Variants in KLF12 observed in about 807,000 individuals in gnomAD.
KLF12 encodes the protein Krueppel-like factor 12.
KLF12 carries 9 observed loss-of-function variants against 37.8 expected under a neutral mutation model. The ratio of observed to expected loss-of-function variants is 0.24; its 90% CI spans 0.14 to 0.42. The LOEUF is 0.42. Ranked by LOEUF, KLF12 falls within the 10% of genes least tolerant of loss-of-function variation. The pLI, the probability that KLF12 is intolerant of heterozygous loss-of-function variation, is 1.00. For missense variants in KLF12, 411 were observed against 516.0 expected (o/e 0.80, Z 1.97); for synonymous variants, 208 against 202.1 (o/e 1.03, Z -0.25).
chr13:74,158,327 C>T, the KLF12 span, among the ~76,000 whole-genome samples: 1 of 152,138 alleles, frequency 6.6e-6, no homozygotes, highest in African/African-American at 2.4e-5. Flanking sequence ...TGGAGGAGAG[C>T]TGGGAGTTGC....
chr13:74,119,257 G>T (rs923892069), intron 1 of KLF12, among the ~76,000 whole-genome samples: 1 of 151,830 alleles, frequency 6.6e-6, no homozygotes, highest in Non-Finnish European at 1.5e-5. Flanking sequence ...ACTTGAACTT[G>T]GGAGGCGGAG....
At chr13:74,125,037 C>G (rs1011612333) in intron 1 of KLF12, among the ~76,000 whole-genome samples, 1 of 151,494 alleles carries the variant, frequency 6.6e-6, no homozygotes, top group African/African-American at 2.4e-5. Flanking sequence ...CCCACCTACT[C>G]GGAAGGCTGA....
At chr13:74,076,734 T>TCATCACCCAGGTATTAAGCC (rs1874586198) in intron 1 of KLF12, among the ~76,000 whole-genome samples, 5 of 152,182 alleles carry the variant, frequency 3.3e-5, no homozygotes, top group African/African-American at 1.2e-4. Flanking sequence ...ACAGATTATT[T>TCATCACCCAGGTATTAAGCC]CATCACCCAG....
chr13:73,968,986 T>C (rs902491406), intron 2 of KLF12, among the ~76,000 whole-genome samples: 4 of 151,108 alleles, frequency 2.6e-5, no homozygotes, highest in Admixed American at 6.6e-5. Context: ...AGAAAGTTTA[T>C]ATTGCCTCCT....
At chr13:74,033,471 G>T (rs1746355201) in intron 1 of KLF12, among the ~76,000 whole-genome samples, 2 of 152,252 alleles carry the variant, frequency 1.3e-5, no homozygotes, top group South Asian at 4.1e-4. Context: ...ATAATTAAAT[G>T]AGATAATCAA....
chr13:74,167,941 G>T, the KLF12 span, among the ~76,000 whole-genome samples: 11 of 152,314 alleles, frequency 7.2e-5, no homozygotes, highest in African/African-American at 2.6e-4. Flanking sequence ...AAATTAAAGT[G>T]GAAGAATGTT....
chr13:74,186,472 A>G, the KLF12 span, among the ~76,000 whole-genome samples: 4 of 152,238 alleles, frequency 2.6e-5, no homozygotes, highest in African/African-American at 9.6e-5. Context: ...AACTTTGGAC[A>G]GGTTGGGTAC....
Position 73,692,455 on chromosome 13 carries a change from G to A in KLF12, c.*3035C>T, listed in dbSNP as rs1873874757. On this transcript the variant is annotated 3_prime_UTR_variant, in exon 8 of 8. Transcript: ENST00000377669. The stretch of plus-strand genomic sequence containing the variant: ...GTTCCCAACCATGCACATATCCCCA[G>A]CTGCAAACTGAACAGCTTCAAATTT... 1 of 152,582 alleles carries A rather than the reference G, an allele frequency of 6.6e-6. No individual in the cohort carries two copies. Among genetic ancestry groups the A allele is most frequent in the Admixed American group, 6.5e-5 (1 of 15,280 alleles). 9.5% of individuals were successfully genotyped at this position (152,582 alleles called of 1,614,324 possible). A position where few individuals can be genotyped will look rare whatever the true frequency, so the allele number is the denominator to read the frequency against.
At chr13:73,832,222 C>T (rs1196135555) in intron 4 of KLF12, among the ~76,000 whole-genome samples, 1 of 152,148 alleles carries the variant, frequency 6.6e-6, no homozygotes, top group African/African-American at 2.4e-5. Flanking sequence ...CCTCCATTCT[C>T]TACTCTCATT....
chr13:74,139,101 C>T, the KLF12 span, among the ~76,000 whole-genome samples: 1 of 152,128 alleles, frequency 6.6e-6, no homozygotes, highest in East Asian at 1.9e-4. Flanking sequence ...ATTTTTCCAC[C>T]TACTTAAATA....
At chr13:73,977,672 TGAA>T (rs1447586934) in intron 2 of KLF12, among the ~76,000 whole-genome samples, 1 of 152,182 alleles carries the variant, frequency 6.6e-6, no homozygotes, top group Non-Finnish European at 1.5e-5. Flanking sequence ...AATATAATAT[TGAA>T]GAAGAACAAT....
chr13:74,046,063 T>C (rs2138568872), intron 1 of KLF12, among the ~76,000 whole-genome samples: 1 of 152,344 alleles, frequency 6.6e-6, no homozygotes, highest in East Asian at 1.9e-4. Context: ...CTTGTTCCTA[T>C]CAATCAGTCT....
chr13:73,780,746 G>T (rs922862494), intron 5 of KLF12, among the ~76,000 whole-genome samples: 2 of 152,228 alleles, frequency 1.3e-5, no homozygotes, highest in African/African-American at 4.8e-5. Context: ...ACAGGCGTGA[G>T]CCACCGCGCC....
intron 3 of KLF12, among the ~76,000 whole-genome samples, chr13:73,911,639 A>G (rs1049148892): frequency 5.9e-5 from 9 of 152,202 alleles, no homozygotes; most frequent in African/African-American, 2.2e-4. Context: ...TGAACTTGAG[A>G]GTATTTATTT....
intron 3 of KLF12, among the ~76,000 whole-genome samples, chr13:73,898,332 TTC>T (rs981428606): frequency 6.6e-6 from 1 of 152,168 alleles, no homozygotes; most frequent in Non-Finnish European, 1.5e-5. Context: ...AAGGACAACA[TTC>T]TCTCTCTCAT....
At chr13:73,898,961 T>A (rs1446291323) in intron 3 of KLF12, among the ~76,000 whole-genome samples, 1 of 151,938 alleles carries the variant, frequency 6.6e-6, no homozygotes, top group African/African-American at 2.4e-5. Context: ...CTACAAAAGT[T>A]ATCCAGCCAT....
the KLF12 span, among the ~76,000 whole-genome samples, chr13:74,217,503 C>T: frequency 0.035 from 5,372 of 152,002 alleles, 224 homozygotes; most frequent in African/African-American, 0.099. Context: ...CAAAGGCAGG[C>T]AGATCACGAG....
At chr13:74,287,317 G>C in the KLF12 span, among the ~76,000 whole-genome samples, 1 of 128,644 alleles carries the variant, frequency 7.8e-6, no homozygotes, top group African/African-American at 3.0e-5. Flanking sequence ...ACCTGTCCAG[G>C]CCCCAAGAAA....
the KLF12 span, among the ~76,000 whole-genome samples, chr13:74,148,426 T>TTTTC: frequency 1.4e-5 from 2 of 141,758 alleles, no homozygotes; most frequent in African/African-American, 5.7e-5. Context: ...TTTTTTTTTT[T>TTTTC]CTGTACTCAA....
Sources: allele counts gnomAD v4.1 joint callset (sites outside exome capture counted in the v4.1 genomes callset), GRCh38; gene constraint gnomAD v4.1.1; transcripts MANE v1.5; gene names NCBI Gene and HGNC (gene_info 2026-07-23, HGNC 2026-07-21).